DIP2A: variants seen among roughly 807,000 people sequenced by gnomAD.
DIP2A encodes the protein DIP2 acetate--CoA ligase A, also known as disco-interacting protein 2 homolog A.
Under a neutral mutation model 177.4 loss-of-function variants are expected in DIP2A, and 85 were observed. The observed-to-expected ratio is 0.48, with a 90% CI of 0.40 to 0.57. DIP2A has a LOEUF of 0.57. Ranked by LOEUF, DIP2A falls within the 20% of genes least tolerant of loss-of-function variation. The pLI, the probability that DIP2A is intolerant of heterozygous loss-of-function variation, is 0.00. For synonymous variants in DIP2A, 886 were observed against 881.8 expected, an observed-to-expected ratio of 1.00 and a Z score of -0.08; for missense variants, 1,791 against 2,100.2, an observed-to-expected ratio of 0.85 and a Z score of 2.88.
rs566583869 is a variant in DIP2A, at chr21:46,475,306, A to G, written c.92-9451A>G. On this transcript the variant is annotated intron_variant, in intron 1 of 37. Coordinates refer to ENST00000417564, the MANE Select transcript of DIP2A (RefSeq NM_015151.4). The stretch of plus-strand genomic sequence containing the variant: ...AAATACCTGCTATTTTAAAAGGTTT[A>G]TTACCTATTTATACACAAACTTGTT... Among the ~76,000 whole-genome samples the G allele has an allele frequency of 4.6e-5, 7 of 152,372 alleles. No homozygotes were observed. The South Asian group carries it at 1.4e-3, about 32-fold the overall frequency.
Position 46,526,396 on chromosome 21 carries a change from C to T in DIP2A, c.1103-2696C>T, listed in dbSNP as rs113771812. Among the ~76,000 whole-genome samples, 109 of 128,100 alleles carry T rather than the reference C, an allele frequency of 8.5e-4. 1 individual carries two copies. Among genetic ancestry groups the T allele is most frequent in the African/African-American group, 1.0e-3 (33 of 33,042 alleles). 84.0% of individuals were successfully genotyped at this position (128,100 alleles called of 152,430 possible). On this transcript the variant is annotated intron_variant, in intron 8 of 37. Transcript: ENST00000417564. The stretch of plus-strand genomic sequence containing the variant: ...GATACTTTCATCAAAAACGTTCATT[C>T]CTTTTTTTTTTTTTTTGAGACAGAG...
At chr21:46,558,770 T>C (rs571321758) in intron 32 of DIP2A, 1 of 272,890 alleles carries the variant, frequency 3.7e-6, no homozygotes, top group Admixed American at 5.2e-5. Context: ...CTCAAATTCA[T>C]TTCTGAAACC....
At chr21:46,559,699 G>A (rs1014228164) in intron 32 of DIP2A, among the ~76,000 whole-genome samples, 11 of 152,226 alleles carry the variant, frequency 7.2e-5, no homozygotes, top group Non-Finnish European at 1.3e-4. Flanking sequence ...GGATGTTCAC[G>A]TTTGCTCTTT....
intron 11 of DIP2A, 141 bp downstream of exon 11, chr21:46,533,788 G>A (rs1222266156): frequency 2.0e-5 from 26 of 1,332,382 alleles, no homozygotes; most frequent in Admixed American, 4.5e-5. Flanking sequence ...GGTGAATCTC[G>A]GTTTTCATCT....
rs929780408 is a variant in DIP2A, at chr21:46,504,556, C to T, written c.784+67C>T. On this transcript the variant is annotated intron_variant, in intron 6 of 37. Coordinates refer to ENST00000417564, the MANE Select transcript of DIP2A (RefSeq NM_015151.4). ...AGGTTTTGTCTTTGGGTATTGAACA[C>T]AGCTTTAATGTATTCACTGTAGCAA... 3.3e-6 allele frequency: 5 copies of T among 1,522,488 alleles called. No homozygotes were observed. The African/African-American group carries it at 6.9e-5, about 21-fold the overall frequency. 94.3% of individuals were successfully genotyped at this position (1,522,488 alleles called of 1,614,324 possible).
At chr21:46,570,297 A>G (rs950620008), downstream of DIP2A, among the ~76,000 whole-genome samples, 2 of 148,554 alleles carry the variant, frequency 1.3e-5, no homozygotes, top group African/African-American at 5.2e-5. Flanking sequence ...GCAGATGCCA[A>G]GTAATGTTGG....
Position 46,554,289 on chromosome 21 carries a change from C to T in DIP2A, c.3151C>T (p.Pro1051Ser), listed in dbSNP as rs201720176. The T allele has an allele frequency of 8.1e-4, 1,307 of 1,613,796 alleles. 13 individuals are homozygous for T. The highest frequency in any genetic ancestry group is 9.0e-5 in the Non-Finnish European group (106 of 1,179,780). ...GGACCATGTGGCTCTGGTCTACCCACCAGGTGGGCTCACTGTGGGGCTGTC... is the reference window on the plus strand; with the variant it reads ...GGACCATGTGGCTCTGGTCTACCCATCAGGTGGGCTCACTGTGGGGCTGTC... ...VGDHVALVYP[P>S]GVDLIAAFYG... Residue 1051 changes from proline to serine, a missense_variant, in exon 26 of 38, where the codon CCA (proline) becomes TCA (serine). Transcript: ENST00000417564.
At chr21:46,473,576 C>T (rs546950300) in intron 1 of DIP2A, among the ~76,000 whole-genome samples, 11 of 151,934 alleles carry the variant, frequency 7.2e-5, no homozygotes, top group South Asian at 4.2e-4. Flanking sequence ...AGTGCAGTGG[C>T]GCAATCCCAG....
chr21:46,466,782 G>C (rs1033560836), intron 1 of DIP2A, among the ~76,000 whole-genome samples: 1 of 116,622 alleles, frequency 8.6e-6, no homozygotes, highest in Non-Finnish European at 1.9e-5. Flanking sequence ...AAAAGGATTT[G>C]ATTCATAGAC....
rs188782035 is a variant in DIP2A at position 46,503,729 on chromosome 21, T to G, written c.656-632T>G. The stretch of plus-strand genomic sequence containing the variant: ...TTTCCTTCCTTCCTTCCTTCTTTCT[T>G]TCTTTTTTCTTTTTGAGAGAGAGTG... On this transcript the variant is annotated intron_variant, in intron 5 of 37. Coordinates refer to ENST00000417564, the MANE Select transcript of DIP2A (RefSeq NM_015151.4). Among the ~76,000 whole-genome samples, 6 of 151,706 alleles carry G rather than the reference T, an allele frequency of 4.0e-5. No individual in the cohort carries two copies. The East Asian group carries it at 9.7e-4, about 25-fold the overall frequency.
intron 2 of DIP2A, among the ~76,000 whole-genome samples, chr21:46,490,371 C>T (rs992732085): frequency 2.0e-5 from 3 of 152,182 alleles, no homozygotes; most frequent in East Asian, 3.9e-4. Context: ...ACCCTTCATG[C>T]GGATGGTGAA....
chr21:46,576,735 C>T, the DIP2A span, among the ~76,000 whole-genome samples: 35 of 152,188 alleles, frequency 2.3e-4, no homozygotes, highest in African/African-American at 8.2e-4. Flanking sequence ...ATTTGCATTC[C>T]CATCAACACT....
rs2056972436 is a variant in DIP2A, at chr21:46,490,833, T to C, written c.283+114T>C. On this transcript the variant is annotated intron_variant, in intron 3 of 37. Coordinates refer to ENST00000417564, the MANE Select transcript of DIP2A (RefSeq NM_015151.4). ...GCCACAATATCTGCCAAAGAAATTA[T>C]TTTCACATAAGCAGTAATGTACATC... is the stretch of plus-strand genomic sequence containing the variant. 9.1e-6 allele frequency: 12 copies of C among 1,314,236 alleles called. No homozygotes were observed. The South Asian group carries it at 1.9e-4, about 20-fold the overall frequency. 81.4% of individuals were successfully genotyped at this position (1,314,236 alleles called of 1,614,324 possible). A position where few individuals can be genotyped will look rare whatever the true frequency, so the allele number is the denominator to read the frequency against.
chr21:46,561,936 C>T, intron 34 of DIP2A, 131 bp downstream of exon 34: 1 of 1,481,568 alleles, frequency 6.7e-7, no homozygotes, highest in South Asian at 1.4e-5. Context: ...GTGGGCTCGG[C>T]TGCTGCAGAA....
At chr21:46,582,579 G>T in the DIP2A span, among the ~76,000 whole-genome samples, 1 of 152,190 alleles carries the variant, frequency 6.6e-6, no homozygotes, top group Non-Finnish European at 1.5e-5. Context: ...GCCCCATGGT[G>T]CTCCTGAGTG....
At position 46,554,306 on chromosome 21, in the gene DIP2A, G is replaced by C; in HGVS notation, c.3154+14G>C. 6.2e-7 allele frequency: 1 copy of C among 1,613,148 alleles called. No individual in the cohort carries two copies. The highest frequency in any genetic ancestry group is 1.3e-5 in the African/African-American group (1 of 75,008). ...TCTACCCACCAGGTGGGCTCACTGT[G>C]GGGCTGTCCACCTGCAGCTCTTTGT... is the stretch of plus-strand genomic sequence containing the variant. On this transcript the variant is annotated intron_variant, in intron 26 of 37. Transcript: ENST00000417564.
chr21:46,566,679 G>C lies in DIP2A; in HGVS notation c.4459G>C (p.Glu1487Gln). ...CATCCGAGCACACAGGAGCATCGCTGAGTGGTAAGAGCCCAGGTGGAGGGC... is the reference window on the plus strand; with the variant it reads ...CATCCGAGCACACAGGAGCATCGCTCAGTGGTAAGAGCCCAGGTGGAGGGC... ...SVIRAHRSIA[E>Q]CAVFTWTNLL... is the part of the protein sequence containing the mutation. The change falls in exon 37 of 38, where the codon GAG (glutamate) becomes CAG (glutamine). Residue 1487 changes from glutamate (E) to glutamine (Q), a missense_variant. By Grantham distance (29) the Glu-to-Gln change is conservative. Coordinates refer to ENST00000417564, the MANE Select transcript of DIP2A (RefSeq NM_015151.4). 6.2e-7 allele frequency: 1 copy of C among 1,614,168 alleles called. No homozygotes were observed.
At chr21:46,502,541 G>A (rs574369148) in intron 5 of DIP2A, among the ~76,000 whole-genome samples, 89 of 148,554 alleles carry the variant, frequency 6.0e-4, no homozygotes, top group Middle Eastern at 3.5e-3. Context: ...TCCACCTCCC[G>A]GGTTCAAGCG....
chr21:46,545,743 C>T, intron 19 of DIP2A, 138 bp from the exon 20 acceptor site: 1 of 984,146 alleles, frequency 1.0e-6, no homozygotes, highest in South Asian at 1.5e-5. Context: ...GAAACTGGGC[C>T]TATGCAGGGC....
Sources: allele counts gnomAD v4.1 joint callset (sites outside exome capture counted in the v4.1 genomes callset), GRCh38; gene constraint gnomAD v4.1.1; transcripts MANE v1.5; gene names NCBI Gene and HGNC (gene_info 2026-07-23, HGNC 2026-07-21).